MAP2K5: variants seen among roughly 807,000 people sequenced by gnomAD.
MAP2K5 encodes dual specificity mitogen-activated protein kinase kinase 5.
In MAP2K5, 49 loss-of-function variants were observed where a neutral mutation model predicts 83.1. That is an observed-to-expected ratio of 0.59 (90% CI 0.47 to 0.75). The LOEUF (loss-of-function observed/expected upper bound fraction) is 0.75. MAP2K5 is among the 30% of genes least tolerant of loss of function. MAP2K5 has a pLI of 0.00. For synonymous variants in MAP2K5, 202 were observed against 191.8 expected (o/e 1.05, Z -0.44); for missense variants, 457 against 557.5 (o/e 0.82, Z 1.82).
Position 67,555,217 on chromosome 15 carries a change from C to T in MAP2K5, c.184+5135C>T, listed in dbSNP as rs116182090. Among the ~76,000 whole-genome samples the T allele has an allele frequency of 2.7e-3, 404 of 152,296 alleles. 3 individuals are homozygous for T. Among genetic ancestry groups the T allele is most frequent in the African/African-American group, 9.3e-3 (387 of 41,566 alleles). On this transcript the variant is annotated intron_variant, in intron 2 of 21. Coordinates refer to ENST00000178640, the MANE Select transcript of MAP2K5 (RefSeq NM_145160.3). This position sits in a 1 kb window ranked among gnomAD's most constrained non-coding sequence, Gnocchi z 5.2. ...CATGGCACTAGCATCTGCTTGCATT[C>T]TGCTGAGGAAGCTTTTACTTATGGC...
At chr15:67,669,176 A>T (rs2087462134) in intron 13 of MAP2K5, among the ~76,000 whole-genome samples, 1 of 152,186 alleles carries the variant, frequency 6.6e-6, no homozygotes, top group South Asian at 2.1e-4. Flanking sequence ...TACTTGAAAC[A>T]CATCAATATG....
At chr15:67,580,653 T>C in intron 3 of MAP2K5, 101 bp from the exon 4 acceptor site, 4 of 769,474 alleles carry the variant, frequency 5.2e-6, no homozygotes, top group South Asian at 4.1e-5. Context: ...GATATGTATA[T>C]ACCAGCAATT....
In MAP2K5 at chr15:67,781,568, G is replaced by A. The variant is rs574929928; in HGVS notation, c.1242+8816G>A. Among the ~76,000 whole-genome samples the A allele has an allele frequency of 1.1e-4, 16 of 152,242 alleles. No individual in the cohort carries two copies. Among genetic ancestry groups the A allele is most frequent in the African/African-American group, 2.2e-4 (9 of 41,538 alleles). ...ATTAAACGTTAGGCCTTGGTCTACC[G>A]AGAGACATTTGCTGGAGTGTGGACT... On this transcript the variant is annotated intron_variant, in intron 21 of 21. Coordinates refer to ENST00000178640, the MANE Select transcript of MAP2K5 (RefSeq NM_145160.3). The surrounding 1 kb of genome is among the most constrained non-coding windows in gnomAD (Gnocchi z 4.0).
intron 13 of MAP2K5, among the ~76,000 whole-genome samples, chr15:67,666,211 C>A (rs2087374848): frequency 6.6e-6 from 1 of 152,068 alleles, no homozygotes; most frequent in East Asian, 1.9e-4. Context: ...TAATGAAATC[C>A]CTCTCTAGCT....
At chr15:67,685,972 T>C (rs1323910920) in intron 13 of MAP2K5, among the ~76,000 whole-genome samples, 1 of 152,190 alleles carries the variant, frequency 6.6e-6, no homozygotes, top group African/African-American at 2.4e-5. Context: ...GCCTGAGATA[T>C]CCACTTATGA....
chr15:67,758,607 C>A lies in MAP2K5; in HGVS notation c.1134+10006C>A, dbSNP rs1167506501. Among the ~76,000 whole-genome samples, 1 of 152,036 alleles carries A rather than the reference C, an allele frequency of 6.6e-6. No homozygotes were observed. Among genetic ancestry groups the A allele is most frequent in the South Asian group, 2.1e-4 (1 of 4,818 alleles). On this transcript the variant is annotated intron_variant, in intron 19 of 21. Transcript: ENST00000178640. The surrounding 1 kb of genome is among the most constrained non-coding windows in gnomAD (Gnocchi z 4.7). The stretch of plus-strand genomic sequence containing the variant: ...AATGACATTTATGCATAAATCTCAA[C>A]ACTTTTTTTTTCAAGACCTCAGAAA...
chr15:67,737,517 A>G (rs540501012), intron 17 of MAP2K5, among the ~76,000 whole-genome samples: 1 of 152,246 alleles, frequency 6.6e-6, no homozygotes, highest in African/African-American at 2.4e-5. Flanking sequence ...TAAGAACCCA[A>G]CCCTCTTCAG....
At chr15:67,614,179 G>A (rs1040991978) in intron 8 of MAP2K5, among the ~76,000 whole-genome samples, 1 of 152,156 alleles carries the variant, frequency 6.6e-6, no homozygotes. Flanking sequence ...GAATCGTGAA[G>A]CATTCAGTAA....
chr15:67,679,303 A>C (rs1315724020), intron 13 of MAP2K5, among the ~76,000 whole-genome samples: 1 of 152,120 alleles, frequency 6.6e-6, no homozygotes, highest in Non-Finnish European at 1.5e-5. Context: ...GTAAAGATAC[A>C]GTTTCCTGCG....
intron 6 of MAP2K5, among the ~76,000 whole-genome samples, chr15:67,590,070 C>T (rs1567294243): frequency 6.6e-6 from 1 of 152,082 alleles, no homozygotes. Flanking sequence ...TCATCCTATT[C>T]TACAAAATTG....
At chr15:67,606,751 A>G (rs942324493) in intron 8 of MAP2K5, among the ~76,000 whole-genome samples, 5 of 152,244 alleles carry the variant, frequency 3.3e-5, no homozygotes, top group African/African-American at 1.2e-4. Context: ...GATTTATTTA[A>G]TGAAAATTAG....
chr15:67,798,916 A>G (rs2090653180), intron 21 of MAP2K5, among the ~76,000 whole-genome samples: 6 of 152,184 alleles, frequency 3.9e-5, no homozygotes, highest in Admixed American at 2.6e-4. Flanking sequence ...CACGCCTGTA[A>G]TCCCAGCACT....
intron 19 of MAP2K5, among the ~76,000 whole-genome samples, chr15:67,752,690 A>G (rs911859246): frequency 3.3e-5 from 5 of 151,712 alleles, no homozygotes; most frequent in Non-Finnish European, 7.4e-5. Context: ...AAAAAAAAAA[A>G]GAAAAAGAAA....
At chr15:67,759,234 T>A (rs1212157997) in intron 19 of MAP2K5, among the ~76,000 whole-genome samples, 1 of 152,060 alleles carries the variant, frequency 6.6e-6, no homozygotes, top group Non-Finnish European at 1.5e-5. Context: ...ATGGCAAGAA[T>A]GATTGCCTAA....
intron 16 of MAP2K5, among the ~76,000 whole-genome samples, chr15:67,723,791 G>A (rs935907951): frequency 3.3e-5 from 5 of 150,934 alleles, no homozygotes; most frequent in Admixed American, 3.3e-4. Flanking sequence ...TATATTACAT[G>A]CTTCTTTTGT....
chr15:67,543,071 T>C lies in MAP2K5; in HGVS notation c.-265T>C. 1.9e-6 allele frequency: 1 copy of C among 519,280 alleles called. No homozygotes were observed. The highest frequency in any genetic ancestry group is 3.3e-5 in the Admixed American group (1 of 30,762). 32.2% of individuals were successfully genotyped at this position (519,280 alleles called of 1,614,324 possible). On this transcript the variant is annotated 5_prime_UTR_variant, in exon 1 of 22. Transcript: ENST00000178640. The surrounding 1 kb of genome is among the most constrained non-coding windows in gnomAD (Gnocchi z 4.3). ...CGCTCAACTCCAGAACCTTCCGACC[T>C]CCGCTAGTTCCTGCGGGCCTTTGCC...
In MAP2K5 at chr15:67,543,617, T is replaced by C. The variant is rs2084338865; in HGVS notation, c.135+147T>C. 3.5e-6 allele frequency: 3 copies of C among 848,164 alleles called. No individual in the cohort carries two copies. Among genetic ancestry groups the C allele is most frequent in the Admixed American group, 2.5e-5 (1 of 39,334 alleles). 52.5% of individuals were successfully genotyped at this position (848,164 alleles called of 1,614,324 possible). A position where few individuals can be genotyped will look rare whatever the true frequency, so the allele number is the denominator to read the frequency against. ...CAGTTTTATTGCTTCAGGCACAGCA[T>C]TGATAAATTGCAACCACTAAAACCT... On this transcript the variant is annotated intron_variant, in intron 1 of 21. Transcript: ENST00000178640. This position sits in a 1 kb window ranked among gnomAD's most constrained non-coding sequence, Gnocchi z 4.3.
chr15:67,751,400 TTGCTTCTCAA>T (rs1180356432), intron 19 of MAP2K5, among the ~76,000 whole-genome samples: 1 of 152,062 alleles, frequency 6.6e-6, no homozygotes, highest in Non-Finnish European at 1.5e-5. Context: ...TGCCTCAGAG[TTGCTTCTCAA>T]CAGAACTTCT....
rs146215066 is a variant in MAP2K5 at position 67,758,213 on chromosome 15, G to T, written c.1134+9612G>T. On this transcript the variant is annotated intron_variant, in intron 19 of 21. Transcript: ENST00000178640. This position sits in a 1 kb window ranked among gnomAD's most constrained non-coding sequence, Gnocchi z 4.7. ...GTAGTTCTGATCAGAAATTGGAGGG[G>T]TTTAATCAGGACAGCCTTAGCATGT... Among the ~76,000 whole-genome samples, 140 of 152,176 alleles carry T rather than the reference G, an allele frequency of 9.2e-4. No individual in the cohort carries two copies. Among genetic ancestry groups the T allele is most frequent in the East Asian group, 4.6e-3 (24 of 5,178 alleles).
Sources: allele counts gnomAD v4.1 joint callset (sites outside exome capture counted in the v4.1 genomes callset), GRCh38; gene constraint gnomAD v4.1.1; non-coding constraint Gnocchi (gnomAD v3.1); transcripts MANE v1.5; gene names NCBI Gene and HGNC (gene_info 2026-07-23, HGNC 2026-07-21).